FPR3: variants seen among roughly 807,000 people sequenced by gnomAD.
FPR3 encodes the protein formyl peptide receptor 3, also known as N-formyl peptide receptor 3.
For synonymous variants in FPR3, 135 were observed against 163.6 expected, an observed-to-expected ratio of 0.83 and a Z score of 1.34; for missense variants, 346 against 443.2, an observed-to-expected ratio of 0.78 and a Z score of 1.97.
At chr19:51,813,893 A>G (rs1164953876) in intron 1 of FPR3, among the ~76,000 whole-genome samples, 2 of 152,068 alleles carry the variant, frequency 1.3e-5, no homozygotes, top group Non-Finnish European at 1.5e-5. Context: ...TTTTTTGTTT[A>G]TCTTCATCCT....
intron 1 of FPR3, among the ~76,000 whole-genome samples, chr19:51,804,371 TAAA>T (rs1366743409): frequency 6.6e-6 from 1 of 152,094 alleles, no homozygotes; most frequent in Non-Finnish European, 1.5e-5. Context: ...GGGAGGGTGA[TAAA>T]AAGGAAATTA....
chr19:51,810,993 G>A (rs2084092834), intron 1 of FPR3, among the ~76,000 whole-genome samples: 1 of 152,166 alleles, frequency 6.6e-6, no homozygotes, highest in Non-Finnish European at 1.5e-5. Flanking sequence ...TTCTGCAACT[G>A]GAGGAGGCTG....
At chr19:51,813,226 C>T (rs534119867) in intron 1 of FPR3, among the ~76,000 whole-genome samples, 1 of 151,834 alleles carries the variant, frequency 6.6e-6, no homozygotes, top group African/African-American at 2.4e-5. Context: ...CTAGCAGATG[C>T]AGTATCTGGT....
chr19:51,798,503 G>C (rs1048781151), intron 1 of FPR3, among the ~76,000 whole-genome samples: 1 of 152,150 alleles, frequency 6.6e-6, no homozygotes, highest in East Asian at 1.9e-4. Flanking sequence ...ATGAGTAAAA[G>C]AAATAGGAGA....
intron 1 of FPR3, among the ~76,000 whole-genome samples, chr19:51,804,478 CAA>C (rs1418069081): frequency 6.6e-6 from 1 of 151,984 alleles, no homozygotes; most frequent in Non-Finnish European, 1.5e-5. Context: ...CGCATCAAAA[CAA>C]AGTTTTACAA....
At chr19:51,797,339 A>G (rs1465396957) in intron 1 of FPR3, among the ~76,000 whole-genome samples, 3 of 152,212 alleles carry the variant, frequency 2.0e-5, no homozygotes, top group Non-Finnish European at 4.4e-5. Flanking sequence ...ATTCTGTCTT[A>G]CAGACAGACC....
At chr19:51,820,100 G>T (rs1361999028) in intron 1 of FPR3, among the ~76,000 whole-genome samples, 1 of 152,144 alleles carries the variant, frequency 6.6e-6, no homozygotes, top group African/African-American at 2.4e-5. Flanking sequence ...ATTCAGCCAA[G>T]GCCATCAGCT....
chr19:51,818,813 C>T (rs2122478098), intron 1 of FPR3, among the ~76,000 whole-genome samples: 1 of 152,196 alleles, frequency 6.6e-6, no homozygotes, highest in Non-Finnish European at 1.5e-5. Flanking sequence ...TCTCAGGGTG[C>T]TTGAGAAGTG....
intron 1 of FPR3, among the ~76,000 whole-genome samples, chr19:51,797,900 T>TTTTTTTTTTTTTG (rs1323781827): frequency 1.4e-5 from 2 of 146,106 alleles, no homozygotes; most frequent in African/African-American, 5.2e-5. Context: ...TTTTTTTTTT[T>TTTTTTTTTTTTTG]GAGACGGAGT....
At chr19:51,799,795 C>T (rs566620045) in intron 1 of FPR3, among the ~76,000 whole-genome samples, 18 of 152,356 alleles carry the variant, frequency 1.2e-4, no homozygotes, top group Middle Eastern at 3.4e-3. Flanking sequence ...CAGGGGGCCA[C>T]TACTGGAGGG....
chr19:51,815,977 G>A (rs4802870), intron 1 of FPR3, among the ~76,000 whole-genome samples: 19,645 of 151,986 alleles, frequency 0.13, 1,485 homozygotes, highest in South Asian at 0.29. Context: ...TGAGGTGGGA[G>A]GATCACTTGA....
At chr19:51,808,488 T>C (rs1372415976) in intron 1 of FPR3, among the ~76,000 whole-genome samples, 1 of 152,198 alleles carries the variant, frequency 6.6e-6, no homozygotes, top group Non-Finnish European at 1.5e-5. Flanking sequence ...AGGAAACATA[T>C]TCCGAGGCTT....
chr19:51,795,506 T>C (rs1320632129), intron 1 of FPR3, among the ~76,000 whole-genome samples, 175 bp downstream of exon 1: 51 of 53,690 alleles, frequency 9.5e-4, no homozygotes, highest in African/African-American at 1.2e-3. Context: ...GTAACATTCT[T>C]TTTTTTTTTT....
intron 1 of FPR3, among the ~76,000 whole-genome samples, chr19:51,796,743 G>T (rs1369384895): frequency 6.3e-4 from 96 of 152,222 alleles, no homozygotes; most frequent in Non-Finnish European, 6.0e-4. Flanking sequence ...AATAGATACA[G>T]AATATTGGAA....
chr19:51,799,635 T>A, intron 1 of FPR3, among the ~76,000 whole-genome samples: 1 of 152,314 alleles, frequency 6.6e-6, no homozygotes, highest in African/African-American at 2.4e-5. Flanking sequence ...TCCTCAGCAG[T>A]TAACTTGGAG....
At chr19:51,809,317 A>G (rs2122439243) in intron 1 of FPR3, among the ~76,000 whole-genome samples, 1 of 152,332 alleles carries the variant, frequency 6.6e-6, no homozygotes, top group Admixed American at 6.5e-5. Context: ...AGGGATGTAG[A>G]AGTTAATTGC....
intron 1 of FPR3, among the ~76,000 whole-genome samples, chr19:51,796,621 A>T (rs1052981860): frequency 6.6e-6 from 1 of 152,214 alleles, no homozygotes; most frequent in Non-Finnish European, 1.5e-5. Context: ...TGCATTCAGC[A>T]TGTTCTGTAG....
At position 51,797,847 on chromosome 19, in the gene FPR3, G is replaced by A. The variant is rs140089823; in HGVS notation, c.-11+2516G>A. On this transcript the variant is annotated intron_variant, in intron 1 of 1. Transcript: ENST00000339223. ...AGTTCTAATTTGTTACAGATTTACC[G>A]ACCTATCCTAGATGATTTCCATGTC... Among the ~76,000 whole-genome samples, 11 of 142,720 alleles carry A rather than the reference G, an allele frequency of 7.7e-5. No individual in the cohort carries two copies. The East Asian group carries it at 8.5e-4, about 11-fold the overall frequency. The allele number at this position is 142,720 out of a possible 152,430, so 93.6% of individuals were successfully genotyped here.
chr19:51,810,763 G>A (rs1258760452), intron 1 of FPR3, among the ~76,000 whole-genome samples: 4 of 152,162 alleles, frequency 2.6e-5, no homozygotes, highest in Non-Finnish European at 4.4e-5. Context: ...AGGTCAACCG[G>A]CTCTGTATGC....
Sources: gnomAD v4.1 joint callset for allele counts (sites outside exome capture counted in the v4.1 genomes callset) on GRCh38, gnomAD v4.1.1 for gene constraint, MANE v1.5 for transcripts, NCBI Gene and HGNC (gene_info 2026-07-23, HGNC 2026-07-21) for gene names.